MORN5: variants seen among roughly 807,000 people sequenced by gnomAD.
MORN5 encodes MORN repeat containing 5.
In MORN5, 21 loss-of-function variants were observed where a neutral mutation model predicts 22.1. The observed-to-expected ratio is 0.95, with a 90% CI of 0.67 to 1.37. The LOEUF (loss-of-function observed/expected upper bound fraction) is 1.37, where lower values mean the gene tolerates loss of function less well. Ranked by LOEUF, MORN5 falls within the 40% of genes most tolerant of loss-of-function variation. The pLI is 0.00. For missense variants in MORN5, 211 were observed against 215.1 expected, an observed-to-expected ratio of 0.98 and a Z score of 0.12; for synonymous variants, 73 against 74.0, an observed-to-expected ratio of 0.99 and a Z score of 0.07.
intron 4 of MORN5, among the ~76,000 whole-genome samples, chr9:122,188,364 A>C (rs1324006429): frequency 6.6e-6 from 1 of 152,178 alleles, no homozygotes; most frequent in Non-Finnish European, 1.5e-5. Flanking sequence ...AGGTAATGAC[A>C]TTGTCTTTCC....
In MORN5 at chr9:122,200,026, GA is replaced by G; in HGVS notation, c.*96del. 8.0e-6 allele frequency: 10 copies of G among 1,250,632 alleles called. No individual in the cohort carries two copies. Among genetic ancestry groups the G allele is most frequent in the Non-Finnish European group, 1.1e-5 (9 of 851,010 alleles). 77.5% of individuals were successfully genotyped at this position (1,250,632 alleles called of 1,614,324 possible). On this transcript the variant is annotated 3_prime_UTR_variant, in exon 5 of 5. Coordinates refer to ENST00000373764, the MANE Select transcript of MORN5 (RefSeq NM_198469.4). ...CCTACTAGCATTGGCTGCCCTGGGG[GA>G]CGGGCTGTAGTTCTAGAACCTGATT... is the stretch of plus-strand genomic sequence containing the variant.
chr9:122,193,388 C>T (rs937737657), intron 4 of MORN5, among the ~76,000 whole-genome samples: 1 of 152,186 alleles, frequency 6.6e-6, no homozygotes. Flanking sequence ...AGATCGAGAA[C>T]ATCCTGGCCA....
chr9:122,169,762 C>A lies in MORN5; in HGVS notation c.307+6C>A, dbSNP rs753021938. The A allele has an allele frequency of 1.3e-6, 2 of 1,579,130 alleles. No individual in the cohort carries two copies. The highest frequency in any genetic ancestry group is 1.7e-5 in the Admixed American group (1 of 59,964). On this transcript the variant is annotated splice_donor_region_variant and intron_variant, in intron 3 of 4. Transcript: ENST00000373764. Reference sequence around the variant, plus strand: ...CAATGGCTTGAAGCCTGCAGGTACCCAGGCACCCACCCTTTCCTTCATACC... The same window carrying A: ...CAATGGCTTGAAGCCTGCAGGTACCAAGGCACCCACCCTTTCCTTCATACC...
chr9:122,196,084 G>A (rs567050860), intron 4 of MORN5, among the ~76,000 whole-genome samples: 48 of 151,842 alleles, frequency 3.2e-4, no homozygotes, highest in African/African-American at 1.1e-3. Context: ...TCAACCTCCC[G>A]AGTAGCTGGG....
chr9:122,199,634 G>A (rs1257166479), intron 4 of MORN5, among the ~76,000 whole-genome samples: 1 of 152,132 alleles, frequency 6.6e-6, no homozygotes, highest in Non-Finnish European at 1.5e-5. Flanking sequence ...AGCTTAGGGT[G>A]GCCAGACTCC....
chr9:122,172,170 C>G (rs1276472766), intron 3 of MORN5, among the ~76,000 whole-genome samples: 1 of 150,506 alleles, frequency 6.6e-6, no homozygotes, highest in East Asian at 1.9e-4. Context: ...ATGGGTGTTG[C>G]CATGTTGCCC....
intron 1 of MORN5, among the ~76,000 whole-genome samples, chr9:122,164,193 G>A (rs1300226552): frequency 7.2e-6 from 1 of 138,602 alleles, no homozygotes; most frequent in Non-Finnish European, 1.5e-5. Context: ...TAAAATGGAA[G>A]AGAAGGAGGG....
intron 3 of MORN5, among the ~76,000 whole-genome samples, chr9:122,173,175 A>G (rs1829391131): frequency 6.6e-6 from 1 of 151,860 alleles, no homozygotes; most frequent in Admixed American, 6.6e-5. Context: ...GCTCTCCCCT[A>G]CTTCTCCTGT....
At position 122,182,706 on chromosome 9, in the gene MORN5, G is replaced by A. The variant is rs374323251; in HGVS notation, c.439+8079G>A. Among the ~76,000 whole-genome samples, 488 of 152,308 alleles carry A rather than the reference G, an allele frequency of 3.2e-3. 2 individuals carry two copies. The highest frequency in any genetic ancestry group is 0.011 in the African/African-American group (457 of 41,572). ...GCAGAGGCTGCAGTGAGCTGAGATC[G>A]TGCCACTGCACTCCAGCCTGGATGA... On this transcript the variant is annotated intron_variant, in intron 4 of 4. Transcript: ENST00000373764.
At chr9:122,186,065 A>G (rs1034982155) in intron 4 of MORN5, among the ~76,000 whole-genome samples, 1 of 152,212 alleles carries the variant, frequency 6.6e-6, no homozygotes, top group Admixed American at 6.5e-5. Flanking sequence ...GTGGAGGGAT[A>G]ATACGCTGTA....
intron 1 of MORN5, 42 bp from the exon 2 acceptor site, chr9:122,166,726 A>C: frequency 6.3e-7 from 1 of 1,583,982 alleles, no homozygotes; most frequent in Middle Eastern, 1.7e-4. Flanking sequence ...CTGATCCTCC[A>C]GCTGTCACAC....
At chr9:122,199,858 T>C in intron 4 of MORN5, 27 bp from the exon 5 acceptor site, 2 of 1,613,708 alleles carry the variant, frequency 1.2e-6, no homozygotes, top group Non-Finnish European at 1.7e-6. Context: ...GCACCAAGCA[T>C]GACCAGCTCT....
rs9695109 is a variant in MORN5, at chr9:122,180,446, G to A, written c.439+5819G>A. ...GACTACAGGCACACACCACCACACC[G>A]AGCTAATTTCTGTATTTTTAGTAGA... On this transcript the variant is annotated intron_variant, in intron 4 of 4. Coordinates refer to ENST00000373764, the MANE Select transcript of MORN5 (RefSeq NM_198469.4). Among the ~76,000 whole-genome samples the A allele has an allele frequency of 1.7e-4, 26 of 151,726 alleles. No homozygotes were observed. In the East Asian group the frequency reaches 2.9e-3, roughly 17 times the overall value.
intron 3 of MORN5, among the ~76,000 whole-genome samples, chr9:122,170,298 G>GA (rs34931205): frequency 0.41 from 53,170 of 130,170 alleles, 11,664 homozygotes; most frequent in Non-Finnish European, 0.53. Flanking sequence ...TCTGGTCTCA[G>GA]AAAAAAAAAA....
intron 4 of MORN5, among the ~76,000 whole-genome samples, chr9:122,183,776 C>T (rs1388208366): frequency 1.3e-5 from 2 of 152,182 alleles, no homozygotes; most frequent in South Asian, 2.1e-4. Flanking sequence ...ATAACGCCAC[C>T]GCTTAATCGT....
chr9:122,179,454 C>T (rs1023357652), intron 4 of MORN5, among the ~76,000 whole-genome samples: 1 of 152,138 alleles, frequency 6.6e-6, no homozygotes, highest in African/African-American at 2.4e-5. Flanking sequence ...ATGTGAAGGG[C>T]ATGGGCTCAG....
At chr9:122,185,125 G>A (rs1264188530) in intron 4 of MORN5, among the ~76,000 whole-genome samples, 2 of 152,102 alleles carry the variant, frequency 1.3e-5, no homozygotes, top group African/African-American at 2.4e-5. Flanking sequence ...GCACAATCTC[G>A]GCTCACTGCA....
rs186269003 is a variant in MORN5 at position 122,185,999 on chromosome 9, C to T, written c.439+11372C>T. 6.6e-5 allele frequency among the ~76,000 whole-genome samples: 10 copies of T among 152,284 alleles called. No homozygotes were observed. In the East Asian group the frequency reaches 7.7e-4, roughly 12 times the overall value. On this transcript the variant is annotated intron_variant, in intron 4 of 4. Transcript: ENST00000373764. ...TTATAATCACCTGGAGGCTGGCACG[C>T]GGGGACATCCATGCTTTATCTGCGG...
chr9:122,167,424 C>T (rs1829304017), intron 2 of MORN5, among the ~76,000 whole-genome samples: 1 of 145,728 alleles, frequency 6.9e-6, no homozygotes, highest in African/African-American at 2.5e-5. Flanking sequence ...GTGATCTCAG[C>T]TCACCACAAC....
Sources: gnomAD v4.1 joint callset for allele counts (sites outside exome capture counted in the v4.1 genomes callset) on GRCh38, gnomAD v4.1.1 for gene constraint, MANE v1.5 for transcripts, NCBI Gene and HGNC (gene_info 2026-07-23, HGNC 2026-07-21) for gene names.